FXYD3: variants seen among roughly 807,000 people sequenced by gnomAD.
FXYD3 encodes FXYD domain-containing ion transport regulator 3.
FXYD3 carries 13 observed loss-of-function variants against 19.2 expected under a neutral mutation model. That is an observed-to-expected ratio of 0.68 (90% confidence interval 0.44 to 1.08). The LOEUF (loss-of-function observed/expected upper bound fraction) is 1.08. FXYD3 is among the 50% of genes least tolerant of loss of function. The pLI is 0.00. For synonymous variants in FXYD3, 48 were observed against 38.9 expected (o/e 1.23, Z -0.87); for missense variants, 101 against 109.4 (o/e 0.92, Z 0.34).
intron 5 of FXYD3, chr19:35,121,713 T>C (rs1038363624): frequency 2.7e-5 from 6 of 220,040 alleles, no homozygotes; most frequent in Admixed American, 1.7e-4. Flanking sequence ...CACCTGCTGG[T>C]TCCTCTGCCT....
chr19:35,120,547 A>G (rs570955340), intron 3 of FXYD3, among the ~76,000 whole-genome samples: 1 of 152,352 alleles, frequency 6.6e-6, no homozygotes, highest in Admixed American at 6.5e-5. Flanking sequence ...TCCATTACAT[A>G]GGGCAAGACC....
intron 1 of FXYD3, 87 bp downstream of exon 1, chr19:35,116,046 C>T (rs1484185311): frequency 1.2e-5 from 2 of 169,314 alleles, no homozygotes; most frequent in Non-Finnish European, 2.4e-5. Context: ...TCAAGGTCCT[C>T]TCCTGGGCAC....
intron 2 of FXYD3, 109 bp downstream of exon 2, chr19:35,116,468 G>A (rs2064887678): frequency 2.0e-6 from 2 of 985,300 alleles, no homozygotes; most frequent in Non-Finnish European, 2.4e-6. Context: ...ATGTTAAAGC[G>A]CCTAAAATCT....
In FXYD3 at chr19:35,123,487, G is replaced by A. The variant is rs1345729368; in HGVS notation, c.*30G>A. On this transcript the variant is annotated 3_prime_UTR_variant, in exon 9 of 9. Coordinates refer to ENST00000604404, the MANE Select transcript of FXYD3 (RefSeq NM_005971.4). ...GACAGACCAGCTGAAATTGGGTGGA[G>A]GACCGTTCTCTGTCCCCAGGTCCTG... The A allele has an allele frequency of 2.5e-6, 4 of 1,613,618 alleles. No individual in the cohort carries two copies. The South Asian group carries it at 3.3e-5, about 13-fold the overall frequency.
chr19:35,122,869 G>A (rs1446518712), intron 6 of FXYD3, 30 bp downstream of exon 6: 1 of 1,613,852 alleles, frequency 6.2e-7, no homozygotes. Flanking sequence ...GGAGCAGGCG[G>A]GCCGGGGCTG....
rs1441428780 is a variant in FXYD3, at chr19:35,119,615, ACCGTCTTCC to A, written c.40+202_40+210del. 5.3e-5 allele frequency: 30 copies of A among 567,638 alleles called. 1 individual carries two copies. In the East Asian group the frequency reaches 7.1e-4, roughly 13 times the overall value. 35.2% of individuals were successfully genotyped at this position (567,638 alleles called of 1,614,324 possible). A position where few individuals can be genotyped will look rare whatever the true frequency, so the allele number is the denominator to read the frequency against. ...AGCTGGCTCACACAGCTGGAAAGTC[ACCGTCTTCC>A]CCATTCTCTCGATCTCTTCTTTTTT... On this transcript the variant is annotated intron_variant, in intron 3 of 8. Coordinates refer to ENST00000604404, the MANE Select transcript of FXYD3 (RefSeq NM_005971.4).
intron 3 of FXYD3, chr19:35,119,731 C>T (rs1341044625): frequency 9.3e-6 from 4 of 428,614 alleles, no homozygotes; most frequent in Non-Finnish European, 8.5e-6. Flanking sequence ...AGTGCAATGG[C>T]GCAATCACAG....
chr19:35,121,835 T>C (rs759648300), intron 5 of FXYD3: 1 of 154,866 alleles, frequency 6.5e-6, no homozygotes, highest in Non-Finnish European at 1.4e-5. Context: ...CCATCTGACT[T>C]TTTTTTTGTT....
chr19:35,119,540 C>T (rs2064987051), intron 3 of FXYD3, 124 bp downstream of exon 3: 1 of 843,064 alleles, frequency 1.2e-6, no homozygotes, highest in African/African-American at 1.7e-5. Context: ...ACAGCATCTC[C>T]CTGAGGGTAA....
rs199747691 is a variant in FXYD3, at chr19:35,121,068, C to T, written c.41-10C>T. 8 of 1,612,516 alleles carry T rather than the reference C, an allele frequency of 5.0e-6. No homozygotes were observed. The East Asian group carries it at 1.8e-4, about 36-fold the overall frequency. The stretch of plus-strand genomic sequence containing the variant: ...CACCATCTCCCCTCCTTCCCCTCTT[C>T]TCCCACTAGGCTTTCCTGTCCTGGA... On this transcript the variant is annotated splice_polypyrimidine_tract_variant and intron_variant, in intron 3 of 8. Transcript: ENST00000604404.
At chr19:35,121,539 C>T in intron 5 of FXYD3, 3 of 1,414,848 alleles carry the variant, frequency 2.1e-6, no homozygotes, top group Non-Finnish European at 2.8e-6. Context: ...CTTGAGAAAA[C>T]TTCCTGGAGG....
Position 35,122,819 on chromosome 19 carries a change from T to A in FXYD3, c.152T>A (p.Met51Lys). 6.2e-7 allele frequency: 1 copy of A among 1,614,002 alleles called. No homozygotes were observed. The highest frequency in any genetic ancestry group is 1.1e-5 in the South Asian group (1 of 91,080). Residue 51 changes from methionine to lysine, a missense_variant, in exon 6 of 9, where the codon ATG (methionine) becomes AAG (lysine). Met to Lys is a moderately conservative substitution (Grantham distance 95). Coordinates refer to ENST00000604404, the MANE Select transcript of FXYD3 (RefSeq NM_005971.4). ...ATCTGCGCTGGGGTTCTGTGCGCCA[T>A]GGGCATCATCATCGTCATGAGTGAG... ...GLICAGVLCA[M>K]GIIIVMSAKC...
chr19:35,116,176 G>T, intron 1 of FXYD3, 88 bp from the exon 2 acceptor site: 1 of 981,386 alleles, frequency 1.0e-6, no homozygotes, highest in Non-Finnish European at 1.2e-6. Context: ...TGCCGCCCAT[G>T]GCTGGGGAGG....
In FXYD3 at chr19:35,116,295, C is replaced by T. The variant is rs1029648208; in HGVS notation, c.-79C>T. 8 of 985,328 alleles carry T rather than the reference C, an allele frequency of 8.1e-6. No homozygotes were observed. Among genetic ancestry groups the T allele is most frequent in the African/African-American group, 3.5e-5 (2 of 57,224 alleles). The allele number at this position is 985,328 out of a possible 1,614,324, so 61.0% of individuals were successfully genotyped here. A position where few individuals can be genotyped will look rare whatever the true frequency, so the allele number is the denominator to read the frequency against. On this transcript the variant is annotated 5_prime_UTR_variant, in exon 2 of 9. The change creates a new upstream start codon in the 5' untranslated region. Transcript: ENST00000604404. ...TTAGGGCGTGGCAGCTTCGGATAAA[C>T]GCAGGACTCCGCCTGGCAGCCCGAT...
Position 35,121,226 on chromosome 19 carries a change from A to G in FXYD3, c.78A>G (p.Lys26=). The G allele has an allele frequency of 2.5e-6, 4 of 1,614,068 alleles. No individual in the cohort carries two copies. The highest frequency in any genetic ancestry group is 3.4e-6 in the Non-Finnish European group (4 of 1,179,942). ...PVLDANDLED[K]NSPFYYDWHS... Reference sequence around the variant, plus strand: ...ATCTTTTTTCTTTCCTTGCAGATAAAAACAGTCCTTTCTACTATGGTGAGA... The same window carrying G: ...ATCTTTTTTCTTTCCTTGCAGATAAGAACAGTCCTTTCTACTATGGTGAGA... The change falls in exon 5 of 9, where the codon AAA becomes AAG. Residue 26 remains lysine, a synonymous_variant. Coordinates refer to ENST00000604404, the MANE Select transcript of FXYD3 (RefSeq NM_005971.4).
rs749475113 is a variant in FXYD3 at position 35,121,221 on chromosome 19, G to T, written c.74-1G>T. ...TCATGATCTTTTTTCTTTCCTTGCA[G>T]ATAAAAACAGTCCTTTCTACTATGG... On this transcript the variant is annotated splice_acceptor_variant, in intron 4 of 8. Coordinates refer to ENST00000604404, the MANE Select transcript of FXYD3 (RefSeq NM_005971.4). LOFTEE classifies it high-confidence loss of function. 1 of 1,614,046 alleles carries T rather than the reference G, an allele frequency of 6.2e-7. No homozygotes were observed. Among genetic ancestry groups the T allele is most frequent in the Non-Finnish European group, 8.5e-7 (1 of 1,179,956 alleles).
At chr19:35,118,665 T>C in intron 2 of FXYD3, 1 of 771,020 alleles carries the variant, frequency 1.3e-6, no homozygotes, top group Non-Finnish European at 1.6e-6. Flanking sequence ...GGGAAGGGCA[T>C]GGGTGTGGGA....
Position 35,119,363 on chromosome 19 carries a change from G to A in FXYD3, c.-14G>A, listed in dbSNP as rs779622390. The A allele has an allele frequency of 3.1e-6, 5 of 1,614,162 alleles. No homozygotes were observed. Among genetic ancestry groups the A allele is most frequent in the Non-Finnish European group, 4.2e-6 (5 of 1,180,004 alleles). On this transcript the variant is annotated splice_region_variant and 5_prime_UTR_variant, in exon 3 of 9. Transcript: ENST00000604404. ...GCCAGACCTCCCGCCACCCCTCTAG[G>A]CCAGCGCTCTGACATGCAGAAGGTG...
At position 35,117,758 on chromosome 19, in the gene FXYD3, A is replaced by AAAAAAAAAAAAAAAAAT. The variant is rs1555730990; in HGVS notation, c.-15+1405_-15+1406insAAAAAAAAAATAAAAAA. 1.7e-3 allele frequency among the ~76,000 whole-genome samples: 20 copies of AAAAAAAAAAAAAAAAAT among 11,996 alleles called. No homozygotes were observed. In the East Asian group the frequency reaches 0.023, roughly 14 times the overall value. The allele number at this position is 11,996 out of a possible 152,430, so 7.9% of individuals were successfully genotyped here. On this transcript the variant is annotated intron_variant, in intron 2 of 8. Coordinates refer to ENST00000604404, the MANE Select transcript of FXYD3 (RefSeq NM_005971.4). ...CCAAAGCCTCAGGCTTTCTTCCCGC[A>AAAAAAAAAAAAAAAAAT]AAAAAAGGAAAAGAAATGGATGCTC...
Sources: allele counts gnomAD v4.1 joint callset (sites outside exome capture counted in the v4.1 genomes callset), GRCh38; gene constraint gnomAD v4.1.1; transcripts MANE v1.5; gene names NCBI Gene and HGNC (gene_info 2026-07-23, HGNC 2026-07-21).